Variants in PACSIN2 observed in about 807,000 individuals in gnomAD.
PACSIN2 encodes protein kinase C and casein kinase substrate in neurons 2.
PACSIN2 carries 25 observed loss-of-function variants against 63.8 expected under a neutral mutation model. That is an observed-to-expected ratio of 0.39 (90% CI 0.29 to 0.55). PACSIN2 has a LOEUF of 0.55. Among genes scored for constraint, PACSIN2 ranks in the 20% least tolerant of loss-of-function variants. The pLI is 0.62. For synonymous variants in PACSIN2, 255 were observed against 256.2 expected, an observed-to-expected ratio of 1.00 and a Z score of 0.05; for missense variants, 518 against 646.9, an observed-to-expected ratio of 0.80 and a Z score of 2.16.
intron 1 of PACSIN2, among the ~76,000 whole-genome samples, chr22:43,011,106 C>G (rs59238351): frequency 5.9e-5 from 9 of 152,358 alleles, no homozygotes; most frequent in Non-Finnish European, 1.2e-4. Context: ...AGAACCACCA[C>G]TGGGACGCAT....
At chr22:43,012,133 G>A (rs1045232488) in intron 1 of PACSIN2, among the ~76,000 whole-genome samples, 1 of 150,396 alleles carries the variant, frequency 6.6e-6, no homozygotes, top group Non-Finnish European at 1.5e-5. Flanking sequence ...GACAGAGCGA[G>A]ACTCTGTCTC....
intron 2 of PACSIN2, among the ~76,000 whole-genome samples, chr22:42,906,138 G>A (rs1364209161): frequency 1.3e-5 from 2 of 152,244 alleles, no homozygotes; most frequent in African/African-American, 4.8e-5. Flanking sequence ...CTGCTGGCCT[G>A]TGAGCTCCAA....
intron 1 of PACSIN2, among the ~76,000 whole-genome samples, chr22:43,011,940 A>G: frequency 6.6e-6 from 1 of 151,010 alleles, no homozygotes; most frequent in East Asian, 2.0e-4. Flanking sequence ...AGGTCAGGAA[A>G]TCGAGACCAT....
intron 1 of PACSIN2, among the ~76,000 whole-genome samples, chr22:42,925,017 C>T (rs6002981): frequency 0.23 from 35,259 of 151,328 alleles, 7,383 homozygotes; most frequent in East Asian, 0.73. Flanking sequence ...GTGCTGGGAT[C>T]ACAGGCGTGA....
chr22:42,911,650 T>C (rs563262361), intron 2 of PACSIN2, among the ~76,000 whole-genome samples: 1 of 152,332 alleles, frequency 6.6e-6, no homozygotes, highest in African/African-American at 2.4e-5. Flanking sequence ...TGTTTCTACA[T>C]AAAACTCAAC....
At chr22:42,910,965 C>T (rs969120141) in intron 2 of PACSIN2, among the ~76,000 whole-genome samples, 4 of 151,462 alleles carry the variant, frequency 2.6e-5, no homozygotes, top group Non-Finnish European at 5.9e-5. Context: ...AGTGCAGTGG[C>T]GCTGTCTCGG....
At chr22:42,880,106 C>T (rs1265148770) in intron 7 of PACSIN2, among the ~76,000 whole-genome samples, 1 of 152,228 alleles carries the variant, frequency 6.6e-6, no homozygotes, top group African/African-American at 2.4e-5. Context: ...CCACCAGTTA[C>T]CAGACAACTC....
intron 5 of PACSIN2, among the ~76,000 whole-genome samples, chr22:42,885,294 C>T (rs745374682): frequency 9.2e-5 from 14 of 152,146 alleles, no homozygotes; most frequent in East Asian, 3.9e-4. Flanking sequence ...CACACTTCCC[C>T]GCACCCCCTC....
rs545762594 is a variant in PACSIN2 at position 42,951,530 on chromosome 22, G to A, written c.-77-39373C>T. ...CCCTGGGAGGCTCACGGGCCTCTCCGACACACTGGCCAAAACCCACCTCTT... is the reference window on the plus strand; with the variant it reads ...CCCTGGGAGGCTCACGGGCCTCTCCAACACACTGGCCAAAACCCACCTCTT... On this transcript the variant is annotated intron_variant, in intron 1 of 10. Coordinates refer to ENST00000263246, the MANE Select transcript of PACSIN2 (RefSeq NM_001184970.3). Among the ~76,000 whole-genome samples, 4 of 152,200 alleles carry A rather than the reference G, an allele frequency of 2.6e-5. No homozygotes were observed. The East Asian group carries it at 5.8e-4, about 22-fold the overall frequency.
At chr22:42,929,897 G>A (rs1601536266) in intron 1 of PACSIN2, among the ~76,000 whole-genome samples, 1 of 152,100 alleles carries the variant, frequency 6.6e-6, no homozygotes, top group Non-Finnish European at 1.5e-5. Context: ...CCAAATGTCA[G>A]CTCTGCTGCC....
chr22:42,936,141 G>A (rs1483899052), intron 1 of PACSIN2, among the ~76,000 whole-genome samples: 8 of 152,022 alleles, frequency 5.3e-5, no homozygotes, highest in African/African-American at 7.2e-5. Context: ...GCGTGAACCC[G>A]GGAGGCGGAG....
At chr22:42,978,659 T>C (rs1450008019) in intron 1 of PACSIN2, among the ~76,000 whole-genome samples, 2 of 152,238 alleles carry the variant, frequency 1.3e-5, no homozygotes, top group Middle Eastern at 3.2e-3. Flanking sequence ...GGAGTTCCTA[T>C]GAATGATGTG....
rs1435205587 is a variant in PACSIN2, at chr22:42,907,670, G to A, written c.60+4351C>T. Among the ~76,000 whole-genome samples, 4 of 152,280 alleles carry A rather than the reference G, an allele frequency of 2.6e-5. No individual in the cohort carries two copies. In the East Asian group the frequency reaches 7.7e-4, roughly 29 times the overall value. Reference sequence around the variant, plus strand: ...CTGCTGCTGAGCATGAGGTGGTATTGACATTCGCTCGCTTCGTGCTTGCGC... The same window carrying A: ...CTGCTGCTGAGCATGAGGTGGTATTAACATTCGCTCGCTTCGTGCTTGCGC... On this transcript the variant is annotated intron_variant, in intron 2 of 10. Transcript: ENST00000263246.
chr22:42,962,598 G>T (rs1163785948), intron 1 of PACSIN2, among the ~76,000 whole-genome samples: 2 of 151,812 alleles, frequency 1.3e-5, no homozygotes, highest in Non-Finnish European at 2.9e-5. Flanking sequence ...TCTGGGGTAG[G>T]GGGTGAGGGC....
At chr22:42,936,283 C>T (rs1932916063) in intron 1 of PACSIN2, among the ~76,000 whole-genome samples, 1 of 152,032 alleles carries the variant, frequency 6.6e-6, no homozygotes, top group Admixed American at 6.5e-5. Context: ...CACCCTGTGA[C>T]TTCTGAGGAT....
At chr22:42,970,330 CAATCTAATACTAGGA>C (rs1921163557) in intron 1 of PACSIN2, among the ~76,000 whole-genome samples, 1 of 152,218 alleles carries the variant, frequency 6.6e-6, no homozygotes, top group Non-Finnish European at 1.5e-5. Flanking sequence ...ATTCATCCAC[CAATCTAATACTAGGA>C]AAAATCATCA....
intron 1 of PACSIN2, among the ~76,000 whole-genome samples, chr22:42,947,549 G>T (rs1286552561): frequency 1.3e-5 from 2 of 152,036 alleles, no homozygotes; most frequent in African/African-American, 4.8e-5. Context: ...TGAAGCCCTG[G>T]TCTGAACAAG....
At chr22:42,880,075 G>A (rs534387514) in intron 7 of PACSIN2, among the ~76,000 whole-genome samples, 14 of 152,306 alleles carry the variant, frequency 9.2e-5, no homozygotes, top group South Asian at 8.3e-4. Context: ...GGTGTTTAAT[G>A]AGCTCTCCTT....
intron 2 of PACSIN2, among the ~76,000 whole-genome samples, chr22:42,896,222 C>T (rs1930269409): frequency 6.6e-6 from 1 of 152,192 alleles, no homozygotes; most frequent in South Asian, 2.1e-4. Flanking sequence ...ATTTTTGCCC[C>T]TTTTCCAGGA....
Sources: allele counts gnomAD v4.1 joint callset (sites outside exome capture counted in the v4.1 genomes callset), GRCh38; gene constraint gnomAD v4.1.1; transcripts MANE v1.5; gene names NCBI Gene and HGNC (gene_info 2026-07-23, HGNC 2026-07-21).